AAK1: variants seen among roughly 807,000 people sequenced by gnomAD.
The protein encoded by AAK1 is AP2 associated kinase 1.
AAK1 carries 37 observed loss-of-function variants against 116.0 expected under a neutral mutation model. That is an observed-to-expected ratio of 0.32 (90% CI 0.25 to 0.42). AAK1 has a LOEUF of 0.42. Among genes scored for constraint, AAK1 ranks in the 10% least tolerant of loss-of-function variants. AAK1 has a pLI of 1.00. For synonymous variants in AAK1, 458 were observed against 439.9 expected (o/e 1.04, Z -0.51); for missense variants, 919 against 1,170.6 (o/e 0.79, Z 3.14).
At chr2:69,543,261 C>T (rs184476456) in intron 4 of AAK1, among the ~76,000 whole-genome samples, 3 of 152,070 alleles carry the variant, frequency 2.0e-5, no homozygotes, top group African/African-American at 7.2e-5. Flanking sequence ...ATTTTAGTAT[C>T]CAAAAAGGAA....
At chr2:69,599,105 G>A (rs551174768) in intron 2 of AAK1, among the ~76,000 whole-genome samples, 1 of 152,300 alleles carries the variant, frequency 6.6e-6, no homozygotes, top group South Asian at 2.1e-4. Flanking sequence ...GGGTTAAGGT[G>A]TGATTTATTT....
intron 2 of AAK1, among the ~76,000 whole-genome samples, chr2:69,612,180 A>G (rs954925721): frequency 1.6e-4 from 24 of 152,250 alleles, no homozygotes; most frequent in Non-Finnish European, 2.6e-4. Context: ...TTATTAATAT[A>G]TGGATTAAAG....
intron 2 of AAK1, among the ~76,000 whole-genome samples, chr2:69,569,629 C>A (rs1284461162): frequency 6.6e-6 from 1 of 152,134 alleles, no homozygotes; most frequent in Non-Finnish European, 1.5e-5. Flanking sequence ...GTCCCTCAGG[C>A]CCCTTTCCAG....
At chr2:69,612,535 C>T (rs1458061199) in intron 2 of AAK1, among the ~76,000 whole-genome samples, 4 of 152,144 alleles carry the variant, frequency 2.6e-5, no homozygotes, top group African/African-American at 4.8e-5. Context: ...CACCAGAAAA[C>T]GACAACAGTT....
intron 17 of AAK1, among the ~76,000 whole-genome samples, chr2:69,483,846 G>A (rs1434397527): frequency 6.6e-6 from 1 of 152,064 alleles, no homozygotes; most frequent in East Asian, 1.9e-4. Flanking sequence ...TGTCACACCT[G>A]GTAACTTAAT....
intron 12 of AAK1, among the ~76,000 whole-genome samples, chr2:69,516,314 GAA>G (rs1271426999): frequency 8.7e-6 from 1 of 115,142 alleles, no homozygotes. Context: ...AAGATTTCCA[GAA>G]AAAAAAAAAA....
rs1289229854 is a variant in AAK1 at position 69,470,032 on chromosome 2, C to A, written c.*5837G>T. On this transcript the variant is annotated 3_prime_UTR_variant, in exon 22 of 22. Coordinates refer to ENST00000409085, the MANE Select transcript of AAK1 (RefSeq NM_014911.5). ...GCTGAATCATTTAGGATGGGTTTCC[C>A]CTGGAAACTCCATCTGATTGACATA... 2.0e-6 allele frequency: 2 copies of A among 985,256 alleles called. No individual in the cohort carries two copies. Among genetic ancestry groups the A allele is most frequent in the Non-Finnish European group, 2.4e-6 (2 of 829,922 alleles). The allele number at this position is 985,256 out of a possible 1,614,324, so 61.0% of individuals were successfully genotyped here.
At chr2:69,612,929 A>G (rs904958501) in intron 2 of AAK1, among the ~76,000 whole-genome samples, 4 of 152,228 alleles carry the variant, frequency 2.6e-5, no homozygotes, top group African/African-American at 4.8e-5. Context: ...ACCTTTAGAC[A>G]TATCAGTGTC....
intron 18 of AAK1, 180 bp downstream of exon 18, chr2:69,482,531 C>T (rs887529023): frequency 4.1e-5 from 29 of 708,422 alleles, no homozygotes; most frequent in African/African-American, 8.8e-5. Flanking sequence ...AAAAAATAGA[C>T]GTTGTACCCC....
chr2:69,600,244 G>A (rs1202250662), intron 2 of AAK1, among the ~76,000 whole-genome samples: 1 of 148,926 alleles, frequency 6.7e-6, no homozygotes, highest in Non-Finnish European at 1.5e-5. Flanking sequence ...GGATTGAGTT[G>A]AAAAGAGAAG....
rs770651341 is a variant in AAK1, at chr2:69,476,904, C to A, written c.2767G>T (p.Val923Leu). The A allele has an allele frequency of 6.2e-7, 1 of 1,613,548 alleles. No homozygotes were observed. The highest frequency in any genetic ancestry group is 1.1e-5 in the South Asian group (1 of 91,024). The change falls in exon 21 of 22, where the codon GTA becomes TTA. Residue 923 changes from valine to leucine, a missense_variant. Coordinates refer to ENST00000409085, the MANE Select transcript of AAK1 (RefSeq NM_014911.5). ...CCTTGTGGGTTTTTGGTTATCAATA[C>A]AGGAATAGGGTCAAACTCATCTTCA... ...VAEDEFDPIP[V>L]LITKNPQGGH...
At chr2:69,511,764 A>C (rs575857561) in intron 13 of AAK1, among the ~76,000 whole-genome samples, 2 of 152,310 alleles carry the variant, frequency 1.3e-5, no homozygotes, top group East Asian at 3.9e-4. Context: ...CATAAAGGAA[A>C]GGAGTTGGAT....
At chr2:69,552,619 G>A (rs1339310745) in intron 3 of AAK1, among the ~76,000 whole-genome samples, 4 of 152,032 alleles carry the variant, frequency 2.6e-5, no homozygotes, top group Non-Finnish European at 4.4e-5. Context: ...GCTGAGGCAG[G>A]AGAATTACCT....
chr2:69,518,485 T>C lies in AAK1; in HGVS notation c.1497+469A>G, dbSNP rs957434546. ...CCCAGGCTGGAGTGCAATGGCACGA[T>C]CTCGGCTCACTGAACCTCTGCCTCC... On this transcript the variant is annotated intron_variant, in intron 12 of 21. Coordinates refer to ENST00000409085, the MANE Select transcript of AAK1 (RefSeq NM_014911.5). 3.5e-4 allele frequency among the ~76,000 whole-genome samples: 53 copies of C among 151,026 alleles called. 1 individual carries two copies. Among genetic ancestry groups the C allele is most frequent in the African/African-American group, 1.3e-3 (53 of 41,074 alleles).
At chr2:69,640,077 T>C (rs1452219886) in intron 2 of AAK1, among the ~76,000 whole-genome samples, 1 of 148,052 alleles carries the variant, frequency 6.8e-6, no homozygotes, top group Non-Finnish European at 1.5e-5. Context: ...TCTCTCTCTC[T>C]CTCCCCCCCC....
chr2:69,500,696 TATACAC>T (rs1210378070), intron 16 of AAK1, among the ~76,000 whole-genome samples: 106 of 99,348 alleles, frequency 1.1e-3, no homozygotes, highest in African/African-American at 1.4e-3. Flanking sequence ...TATATATATA[TATACAC>T]ACACACACAC....
chr2:69,561,787 A>C (rs1427585565), intron 2 of AAK1, among the ~76,000 whole-genome samples: 1 of 152,016 alleles, frequency 6.6e-6, no homozygotes, highest in Non-Finnish European at 1.5e-5. Context: ...ATAACTTTGG[A>C]TCTGCTTTCC....
At chr2:69,588,734 C>A (rs1672895074) in intron 2 of AAK1, among the ~76,000 whole-genome samples, 1 of 151,744 alleles carries the variant, frequency 6.6e-6, no homozygotes, top group South Asian at 2.1e-4. Flanking sequence ...TATGATGTCT[C>A]CTTTAAACAG....
Position 69,465,700 on chromosome 2 carries a change from G to T in AAK1, c.*10169C>A. 7.7e-7 allele frequency: 1 copy of T among 1,290,924 alleles called. No homozygotes were observed. The highest frequency in any genetic ancestry group is 1.0e-6 in the Non-Finnish European group (1 of 988,894). 80.0% of individuals were successfully genotyped at this position (1,290,924 alleles called of 1,614,324 possible). On this transcript the variant is annotated 3_prime_UTR_variant, in exon 22 of 22. Coordinates refer to ENST00000409085, the MANE Select transcript of AAK1 (RefSeq NM_014911.5). ...GAGACAGCTTCTTTCTGGAGCTGAG[G>T]TCCTTTGTTTCTGTCATTAGAATGA...
Sources: allele counts gnomAD v4.1 joint callset (sites outside exome capture counted in the v4.1 genomes callset), GRCh38; gene constraint gnomAD v4.1.1; transcripts MANE v1.5; gene names NCBI Gene and HGNC (gene_info 2026-07-23, HGNC 2026-07-21).